The following HP1BP3 variants were observed in gnomAD, a reference collection of about 807,000 sequenced individuals.
HP1BP3 encodes the protein heterochromatin protein 1 binding protein 3, also known as heterochromatin protein 1-binding protein 3.
A neutral mutation model predicts 62.5 loss-of-function variants in HP1BP3; 12 were observed. That is an observed-to-expected ratio of 0.19 (90% CI 0.12 to 0.31). The LOEUF (loss-of-function observed/expected upper bound fraction) is 0.31, where lower values mean the gene tolerates loss of function less well. HP1BP3 is among the 10% of genes least tolerant of loss of function. HP1BP3 has a pLI of 1.00. For synonymous variants in HP1BP3, 260 were observed against 237.8 expected, an observed-to-expected ratio of 1.09 and a Z score of -0.86; for missense variants, 502 against 651.8, an observed-to-expected ratio of 0.77 and a Z score of 2.50.
chr1:20,766,386 A>G (rs998729657), intron 7 of HP1BP3, among the ~76,000 whole-genome samples: 1 of 152,218 alleles, frequency 6.6e-6, no homozygotes, highest in East Asian at 1.9e-4. Flanking sequence ...AAAAATGCAT[A>G]AAGTTCATTT....
intron 8 of HP1BP3, among the ~76,000 whole-genome samples, chr1:20,764,612 C>T (rs1233277045): frequency 6.8e-6 from 1 of 147,330 alleles, no homozygotes; most frequent in Non-Finnish European, 1.5e-5. Flanking sequence ...CAGTTCAATA[C>T]TACATATCTT....
intron 8 of HP1BP3, among the ~76,000 whole-genome samples, chr1:20,764,593 G>C (rs552592149): frequency 2.9e-4 from 43 of 146,802 alleles, no homozygotes; most frequent in Admixed American, 1.9e-3. Context: ...TCATATCTGA[G>C]AAGATACACA....
At chr1:20,749,091 G>T (rs1224073493) in intron 10 of HP1BP3, among the ~76,000 whole-genome samples, 1 of 152,104 alleles carries the variant, frequency 6.6e-6, no homozygotes, top group Non-Finnish European at 1.5e-5. Flanking sequence ...TGTTTTTGGT[G>T]AACATTCAAA....
At chr1:20,781,983 T>C (rs575958872) in intron 1 of HP1BP3, among the ~76,000 whole-genome samples, 2 of 152,318 alleles carry the variant, frequency 1.3e-5, no homozygotes, top group East Asian at 3.9e-4. Flanking sequence ...TACATGCAAA[T>C]ATGATATGGA....
chr1:20,776,123 T>TA (rs2057295443), intron 4 of HP1BP3: 1 of 894,060 alleles, frequency 1.1e-6, no homozygotes, highest in Admixed American at 3.1e-5. Context: ...TTCAACTGAA[T>TA]ATTTCATCAA....
chr1:20,741,895 T>C lies in HP1BP3; in HGVS notation c.*2902A>G, dbSNP rs2055093563. Among the ~76,000 whole-genome samples the C allele has an allele frequency of 6.6e-6, 1 of 152,216 alleles. No homozygotes were observed. Among genetic ancestry groups the C allele is most frequent in the Admixed American group, 6.5e-5 (1 of 15,282 alleles). On this transcript the variant is annotated 3_prime_UTR_variant, in exon 13 of 13. Coordinates refer to ENST00000438032, the MANE Select transcript of HP1BP3 (RefSeq NM_001372052.1). ...AAAATTATAAATGTGTTCTGCTCCT[T>C]TGGAATGCCTGGAAGGGAAAAATCA...
At position 20,745,059 on chromosome 1, in the gene HP1BP3, C is replaced by T. The variant is rs1435682035; in HGVS notation, c.1400G>A (p.Gly467Glu). 1 of 1,612,328 alleles carries T rather than the reference C, an allele frequency of 6.2e-7. No individual in the cohort carries two copies. The highest frequency in any genetic ancestry group is 8.5e-7 in the Non-Finnish European group (1 of 1,179,532). ...TCTCTGCTTCACAGATGCGGCCTTC[C>T]CTGGGGACTTGGCTGGGGTTTTCTT... ...LQKKTPAKSP[G>E]KAASVKQRGS... Residue 467 changes from glycine (G) to glutamate (E), a missense_variant, in exon 13 of 13, where the codon GGG becomes GAG. Gly to Glu is a moderately conservative substitution (Grantham distance 98, BLOSUM62 -2). Around this residue, in one of 5 missense-constraint regions of HP1BP3, gnomAD observed 194 missense variants for 207.0 expected, o/e 0.94. Transcript: ENST00000438032.
intron 9 of HP1BP3, among the ~76,000 whole-genome samples, chr1:20,754,460 T>C (rs1156481396): frequency 6.6e-6 from 1 of 151,348 alleles, no homozygotes; most frequent in African/African-American, 2.4e-5. Flanking sequence ...AAACTCCAGC[T>C]GTTTTTTTGG....
chr1:20,786,967 A>C (rs1361730134), intron 1 of HP1BP3, among the ~76,000 whole-genome samples: 3 of 151,786 alleles, frequency 2.0e-5, no homozygotes, highest in Admixed American at 6.5e-5. Flanking sequence ...GCCCCTGAGG[A>C]GGAGTCCACC....
Position 20,741,201 on chromosome 1 carries a change from T to C in HP1BP3, c.*3596A>G, listed in dbSNP as rs1273963778. Among the ~76,000 whole-genome samples the C allele has an allele frequency of 6.6e-6, 1 of 152,240 alleles. No homozygotes were observed. Among genetic ancestry groups the C allele is most frequent in the African/African-American group, 2.4e-5 (1 of 41,472 alleles). ...AATCAGGTTCCAAAGATAGGAGACC[T>C]TAACTATAATCCCAAATTTTTAAAG... On this transcript the variant is annotated 3_prime_UTR_variant, in exon 13 of 13. Coordinates refer to ENST00000438032, the MANE Select transcript of HP1BP3 (RefSeq NM_001372052.1).
At chr1:20,745,698 A>C (rs1411498211) in intron 11 of HP1BP3, 42 bp from the exon 12 acceptor site, 11 of 1,603,146 alleles carry the variant, frequency 6.9e-6, no homozygotes, top group Non-Finnish European at 9.4e-6. Context: ...GTCCCATATA[A>C]AACAAGAAAA....
intron 8 of HP1BP3, among the ~76,000 whole-genome samples, chr1:20,759,261 G>T (rs1400587250): frequency 6.6e-6 from 1 of 152,176 alleles, no homozygotes; most frequent in Admixed American, 6.5e-5. Flanking sequence ...TTAGTCAGGT[G>T]TGGTGGCGCA....
chr1:20,771,089 T>C lies in HP1BP3; in HGVS notation c.511-16A>G. 4 of 1,584,066 alleles carry C rather than the reference T, an allele frequency of 2.5e-6. No homozygotes were observed. Among genetic ancestry groups the C allele is most frequent in the Non-Finnish European group, 3.4e-6 (4 of 1,169,028 alleles). ...GGAAGCATGCCTAGAAAAGATTTAT[T>C]AAACTAGTTGTTTTTTTTTATTAGA... On this transcript the variant is annotated splice_polypyrimidine_tract_variant and intron_variant, in intron 5 of 12. Transcript: ENST00000438032.
chr1:20,749,849 C>T lies in HP1BP3; in HGVS notation c.1015G>A (p.Gly339Arg). Residue 339 changes from glycine to arginine, a missense_variant, in exon 10 of 13, where the codon GGA becomes AGA. Around this residue, in one of 5 missense-constraint regions of HP1BP3, gnomAD observed 111 missense variants for 242.0 expected, o/e 0.46. Coordinates refer to ENST00000438032, the MANE Select transcript of HP1BP3 (RefSeq NM_001372052.1). ...KKSGEKPLLG[G>R]SLMEYAILSA... ...AAGATTGCATATTCCATCAGGCTTC[C>T]ACCAAGCAGGGGTTTCTCCCCTGAT... is the stretch of plus-strand genomic sequence containing the variant. The T allele has an allele frequency of 6.2e-7, 1 of 1,614,020 alleles. No individual in the cohort carries two copies. Among genetic ancestry groups the T allele is most frequent in the Non-Finnish European group, 8.5e-7 (1 of 1,179,946 alleles).
intron 9 of HP1BP3, chr1:20,750,330 CA>C (rs2055641748): frequency 5.0e-5 from 1 of 20,138 alleles, no homozygotes; most frequent in African/African-American, 1.7e-4. Flanking sequence ...AAAACACACA[CA>C]CACACACACA....
chr1:20,774,343 AAC>A (rs36067015), intron 4 of HP1BP3: 30 of 148,696 alleles, frequency 2.0e-4, no homozygotes, highest in Non-Finnish European at 2.6e-4. Context: ...ATCTCCATTA[AAC>A]ACACACACAC....
intron 6 of HP1BP3, among the ~76,000 whole-genome samples, chr1:20,769,473 G>A (rs375248121): frequency 1.6e-4 from 24 of 152,184 alleles, no homozygotes; most frequent in Admixed American, 1.2e-3. Context: ...TGGGAAGACG[G>A]CTGGAGCCCA....
intron 7 of HP1BP3, among the ~76,000 whole-genome samples, chr1:20,766,574 T>G (rs1237465156): frequency 1.3e-5 from 2 of 152,218 alleles, no homozygotes; most frequent in Non-Finnish European, 2.9e-5. Flanking sequence ...GGAAGAAGAA[T>G]GTTAGTATTT....
In HP1BP3 at chr1:20,744,291, A is replaced by C. The variant is rs1203885684; in HGVS notation, c.*506T>G. The C allele has an allele frequency of 2.0e-5, 3 of 153,042 alleles. No homozygotes were observed. In the Admixed American group the frequency reaches 2.0e-4, roughly 10 times the overall value. The allele number at this position is 153,042 out of a possible 1,614,324, so 9.5% of individuals were successfully genotyped here. On this transcript the variant is annotated 3_prime_UTR_variant, in exon 13 of 13. Coordinates refer to ENST00000438032, the MANE Select transcript of HP1BP3 (RefSeq NM_001372052.1). ...TGTTTACAGTTGGAGAGAAAAGGTTAGTGGAGTGGCTTTTATAAATAAGAT... is the reference window on the plus strand; with the variant it reads ...TGTTTACAGTTGGAGAGAAAAGGTTCGTGGAGTGGCTTTTATAAATAAGAT...
Sources: allele counts gnomAD v4.1 joint callset (sites outside exome capture counted in the v4.1 genomes callset), GRCh38; gene constraint gnomAD v4.1.1; regional missense constraint gnomAD v4.1.1; transcripts MANE v1.5; gene names NCBI Gene and HGNC (gene_info 2026-07-23, HGNC 2026-07-21).